Variants in LIMA1 observed in about 807,000 individuals in gnomAD.
LIMA1 encodes the protein LIM domain and actin binding 1, also known as LIM domain and actin-binding protein 1.
In LIMA1, 52 loss-of-function variants were observed where a neutral mutation model predicts 62.6. The observed-to-expected ratio is 0.83, with a 90% confidence interval of 0.67 to 1.05. LIMA1 has a LOEUF of 1.05. LIMA1 is among the 50% of genes least tolerant of loss of function. LIMA1 has a pLI of 0.00. For missense variants in LIMA1, 780 were observed against 902.2 expected (o/e 0.86, Z 1.74); for synonymous variants, 302 against 317.8 (o/e 0.95, Z 0.53).
chr12:50,266,731 A>G (rs1019582727), intron 1 of LIMA1, among the ~76,000 whole-genome samples: 1 of 152,236 alleles, frequency 6.6e-6, no homozygotes, highest in Non-Finnish European at 1.5e-5. Flanking sequence ...ACATCCATTT[A>G]TATTTGAATC....
At chr12:50,189,557 G>A (rs1940705624) in intron 9 of LIMA1, 1 of 152,222 alleles carries the variant, frequency 6.6e-6, no homozygotes. Context: ...CCAAACGAGT[G>A]AAGTAGCCCC....
chr12:50,208,203 A>T (rs1213177940), intron 4 of LIMA1, among the ~76,000 whole-genome samples: 1 of 152,114 alleles, frequency 6.6e-6, no homozygotes, highest in Non-Finnish European at 1.5e-5. Flanking sequence ...TACAAAAGTT[A>T]GACTGGGCAC....
chr12:50,183,059 A>G (rs1042642539), intron 9 of LIMA1, among the ~76,000 whole-genome samples: 1 of 151,910 alleles, frequency 6.6e-6, no homozygotes, highest in African/African-American at 2.4e-5. Flanking sequence ...AAAATTAGGC[A>G]GGCGTAGTGG....
intron 2 of LIMA1, among the ~76,000 whole-genome samples, chr12:50,237,233 A>G (rs984604595): frequency 9.2e-5 from 14 of 152,258 alleles, no homozygotes; most frequent in Non-Finnish European, 1.5e-4. Context: ...GGAGTGGTAA[A>G]TTATAATGTA....
chr12:50,192,227 T>C (rs1454124044), intron 9 of LIMA1, among the ~76,000 whole-genome samples: 1 of 152,080 alleles, frequency 6.6e-6, no homozygotes, highest in East Asian at 1.9e-4. Flanking sequence ...TTTCCAGAGT[T>C]CAAACTGAGA....
intron 9 of LIMA1, among the ~76,000 whole-genome samples, chr12:50,183,965 A>T (rs1440833217): frequency 6.6e-6 from 1 of 152,158 alleles, no homozygotes; most frequent in African/African-American, 2.4e-5. Flanking sequence ...AAATGTGCAT[A>T]AAATGAAAAT....
At position 50,222,080 on chromosome 12, in the gene LIMA1, T is replaced by C. The variant is rs35332578; in HGVS notation, c.571A>G (p.Asn191Asp). Reference sequence around the variant, plus strand: ...ATCTTAAGCCTGTTCAGCGGAACATTATATTTCTCTATTTTGCCCGAAGCA... The same window carrying C: ...ATCTTAAGCCTGTTCAGCGGAACATCATATTTCTCTATTTTGCCCGAAGCA... ...TDASGKIEKY[N>D]VPLNRLKMMF... The change falls in exon 4 of 11, where the codon AAT (asparagine) becomes GAT (aspartate). Residue 191 changes from asparagine (N) to aspartate (D), a missense_variant. Physicochemically the swap from Asn to Asp is conservative, Grantham distance 23. Transcript: ENST00000341247. 1.4e-5 allele frequency: 23 copies of C among 1,614,078 alleles called. No homozygotes were observed. In the Admixed American group the frequency reaches 3.7e-4, roughly 26 times the overall value.
intron 3 of LIMA1, among the ~76,000 whole-genome samples, chr12:50,228,226 A>T (rs1346429482): frequency 6.6e-6 from 1 of 152,172 alleles, no homozygotes; most frequent in Non-Finnish European, 1.5e-5. Flanking sequence ...CTTTGGAGGT[A>T]GAGAATACAT....
At chr12:50,250,820 T>C (rs186317907) in intron 1 of LIMA1, among the ~76,000 whole-genome samples, 1 of 152,290 alleles carries the variant, frequency 6.6e-6, no homozygotes, top group Admixed American at 6.5e-5. Flanking sequence ...TAATGAAAAG[T>C]TTCCCTAAAA....
chr12:50,240,050 ACATAAC>A (rs1565854675), intron 2 of LIMA1, among the ~76,000 whole-genome samples: 2 of 149,204 alleles, frequency 1.3e-5, no homozygotes, highest in Non-Finnish European at 3.0e-5. Flanking sequence ...ACATAACATA[ACATAAC>A]ATAAAATAAA....
chr12:50,254,027 C>CAAAAA (rs376086760), intron 1 of LIMA1, among the ~76,000 whole-genome samples: 9 of 93,690 alleles, frequency 9.6e-5, no homozygotes, highest in East Asian at 2.9e-4. Flanking sequence ...GACTCTGTCT[C>CAAAAA]AAAAAAAAAA....
chr12:50,248,884 T>C, intron 1 of LIMA1, 110 bp from the exon 2 acceptor site: 6 of 665,292 alleles, frequency 9.0e-6, no homozygotes, highest in South Asian at 7.1e-5. Flanking sequence ...ACTCCTCCAC[T>C]GTTCTCCCCC....
At chr12:50,279,402 GAAAAT>G (rs981689475) in intron 1 of LIMA1, among the ~76,000 whole-genome samples, 1 of 150,732 alleles carries the variant, frequency 6.6e-6, no homozygotes, top group Non-Finnish European at 1.5e-5. Flanking sequence ...TGGCATATAT[GAAAAT>G]AAAACAATTA....
intron 1 of LIMA1, among the ~76,000 whole-genome samples, chr12:50,258,245 G>A (rs1209110242): frequency 6.6e-6 from 1 of 152,106 alleles, no homozygotes; most frequent in South Asian, 2.1e-4. Context: ...GCGTCTTAGT[G>A]GACAAAACCA....
intron 1 of LIMA1, chr12:50,256,471 A>G (rs1026007451): frequency 6.6e-6 from 1 of 152,218 alleles, no homozygotes; most frequent in South Asian, 2.1e-4. Flanking sequence ...AGAAATGAGC[A>G]CTGGTACAAT....
intron 2 of LIMA1, among the ~76,000 whole-genome samples, chr12:50,237,544 C>G (rs1369895180): frequency 6.6e-6 from 1 of 151,770 alleles, no homozygotes; most frequent in African/African-American, 2.4e-5. Context: ...GGCTGAGGCA[C>G]GAGAATCCTT....
At chr12:50,253,900 C>T (rs372724177) in intron 1 of LIMA1, among the ~76,000 whole-genome samples, 10 of 151,942 alleles carry the variant, frequency 6.6e-5, no homozygotes, top group South Asian at 2.1e-4. Context: ...TGGTGGCAGG[C>T]GCCTGTAATC....
chr12:50,260,457 G>A (rs1030064690), intron 1 of LIMA1, among the ~76,000 whole-genome samples: 6 of 152,096 alleles, frequency 3.9e-5, no homozygotes, highest in African/African-American at 1.2e-4. Flanking sequence ...CCCAGTCCTA[G>A]AATTTCTACT....
At chr12:50,253,182 A>T (rs933009302) in intron 1 of LIMA1, among the ~76,000 whole-genome samples, 3 of 151,774 alleles carry the variant, frequency 2.0e-5, no homozygotes, top group Non-Finnish European at 4.4e-5. Context: ...GTTGATTTAC[A>T]CATGTTGAGA....
Sources: allele counts gnomAD v4.1 joint callset (sites outside exome capture counted in the v4.1 genomes callset), GRCh38; gene constraint gnomAD v4.1.1; transcripts MANE v1.5; gene names NCBI Gene and HGNC (gene_info 2026-07-23, HGNC 2026-07-21).